The following SYCP2 variants were observed in gnomAD, a reference collection of about 807,000 sequenced individuals.
SYCP2 encodes the protein synaptonemal complex lateral element protein.
In SYCP2, 55 loss-of-function variants were observed where a neutral mutation model predicts 211.3. That is an observed-to-expected ratio of 0.26 (90% CI 0.21 to 0.33). The LOEUF is 0.33. SYCP2 is among the 10% of genes least tolerant of loss of function. SYCP2 has a pLI of 1.00. For synonymous variants in SYCP2, 570 were observed against 555.2 expected, an observed-to-expected ratio of 1.03 and a Z score of -0.37; for missense variants, 1,731 against 1,752.0, an observed-to-expected ratio of 0.99 and a Z score of 0.21.
rs773252946 is a variant in SYCP2, at chr20:59,914,113, T to A, written c.773A>T (p.Glu258Val). Residue 258 changes from glutamate to valine, a missense_variant, in exon 11 of 45, where the codon GAA (glutamate) becomes GTA (valine). Transcript: ENST00000357552. Reference sequence around the variant, plus strand: ...TGTTATTGTTATACAACTTACTGTTTCAAATTCAGAGTCCTTAATTCTTTT... The same window carrying A: ...TGTTATTGTTATACAACTTACTGTTACAAATTCAGAGTCCTTAATTCTTTT... ...AFKRIKDSEF[E>V]TDCRIFLNLV... 2 of 1,597,238 alleles carry A rather than the reference T, an allele frequency of 1.3e-6. No homozygotes were observed. The highest frequency in any genetic ancestry group is 1.7e-6 in the Non-Finnish European group (2 of 1,171,410).
At chr20:59,904,650 G>A (rs1279832160) in intron 15 of SYCP2, among the ~76,000 whole-genome samples, 5 of 152,096 alleles carry the variant, frequency 3.3e-5, no homozygotes, top group Non-Finnish European at 4.4e-5. Flanking sequence ...ATGACTGATC[G>A]AGAGAGGAAA....
At chr20:59,928,530 A>G (rs1260772376) in intron 2 of SYCP2, among the ~76,000 whole-genome samples, 2 of 152,192 alleles carry the variant, frequency 1.3e-5, no homozygotes, top group African/African-American at 4.8e-5. Context: ...ATAACTTTTA[A>G]AATATTAGAG....
At chr20:59,912,041 A>C in intron 13 of SYCP2, 196 bp from the exon 14 acceptor site, 1 of 423,390 alleles carries the variant, frequency 2.4e-6, no homozygotes, top group Non-Finnish European at 4.2e-6. Flanking sequence ...TAAAAAATCA[A>C]CTAGCTCCAA....
intron 15 of SYCP2, among the ~76,000 whole-genome samples, chr20:59,906,195 A>G (rs7267941): frequency 0.034 from 5,245 of 152,216 alleles, 255 homozygotes; most frequent in African/African-American, 0.11. Context: ...CAATTGATAA[A>G]CCAATTCTAA....
chr20:59,878,107 T>C (rs1180026267), intron 31 of SYCP2, 62 bp from the exon 32 acceptor site: 1 of 1,046,216 alleles, frequency 9.6e-7, no homozygotes, highest in Non-Finnish European at 1.4e-6. Flanking sequence ...TTAAATTTAT[T>C]AGAACATCAT....
intron 35 of SYCP2, among the ~76,000 whole-genome samples, chr20:59,870,812 G>A (rs1377770259): frequency 6.6e-6 from 1 of 151,646 alleles, no homozygotes; most frequent in Non-Finnish European, 1.5e-5. Flanking sequence ...GCCTAATCCA[G>A]GCCCATGTGA....
intron 7 of SYCP2, 45 bp from the exon 8 acceptor site, chr20:59,916,616 CTCT>C: frequency 7.9e-7 from 1 of 1,264,268 alleles, no homozygotes; most frequent in Non-Finnish European, 1.2e-6. Context: ...ATTTCAAATC[CTCT>C]TAACTGTCAG....
intron 15 of SYCP2, among the ~76,000 whole-genome samples, chr20:59,903,664 G>A (rs1167371300): frequency 6.6e-6 from 1 of 152,108 alleles, no homozygotes; most frequent in African/African-American, 2.4e-5. Flanking sequence ...GAGACGGAGG[G>A]TCAAAATGTG....
chr20:59,902,411 A>T (rs2060131695), intron 15 of SYCP2, among the ~76,000 whole-genome samples: 1 of 152,082 alleles, frequency 6.6e-6, no homozygotes, highest in African/African-American at 2.4e-5. Flanking sequence ...CCAAAAAATT[A>T]CCTGGCCCCT....
chr20:59,865,598 CTATCAG>C lies in SYCP2; in HGVS notation c.4427_4432del (p.Thr1476_Asp1477del). Reference sequence around the variant, plus strand: ...CTCGGATGTAAAAACAGTTTCTTCACTATCAGTATTACAGAAGACACTTTTAGCCAA... The same window carrying C: ...CTCGGATGTAAAAACAGTTTCTTCACTATTACAGAAGACACTTTTAGCCAA... On this transcript the variant is annotated inframe_deletion, in exon 43 of 45. Coordinates refer to ENST00000357552, the MANE Select transcript of SYCP2 (RefSeq NM_014258.4). The C allele has an allele frequency of 6.2e-7, 1 of 1,604,564 alleles. No homozygotes were observed. The highest frequency in any genetic ancestry group is 8.5e-7 in the Non-Finnish European group (1 of 1,176,356).
At position 59,921,310 on chromosome 20, in the gene SYCP2, C is replaced by A; in HGVS notation, c.168G>T (p.Arg56Ser). 2 of 1,584,280 alleles carry A rather than the reference C, an allele frequency of 1.3e-6. No individual in the cohort carries two copies. The highest frequency in any genetic ancestry group is 1.7e-6 in the Non-Finnish European group (2 of 1,164,956). ...FFHKVDNLIC[R>S]ELNKEDIHNV... ...TCATTCAGCAAAAATGAATATTTAC[C>A]CTGCATATAAGGTTGTCCACCTTGT... Residue 56 changes from arginine (R) to serine (S), a missense_variant and splice_region_variant, in exon 4 of 45, where the codon AGG (arginine) becomes AGT (serine). By Grantham distance (110) the Arg-to-Ser change is moderately radical (BLOSUM62 -1). Coordinates refer to ENST00000357552, the MANE Select transcript of SYCP2 (RefSeq NM_014258.4).
intron 15 of SYCP2, among the ~76,000 whole-genome samples, chr20:59,906,957 T>A (rs960232863): frequency 6.6e-6 from 1 of 152,196 alleles, no homozygotes; most frequent in Admixed American, 6.5e-5. Context: ...TATTATTACA[T>A]GTCTATTGAA....
rs1300632863 is a variant in SYCP2 at position 59,875,303 on chromosome 20, G to C, written c.3317C>G (p.Ser1106Cys). 1.2e-6 allele frequency: 2 copies of C among 1,610,054 alleles called. No homozygotes were observed. Among genetic ancestry groups the C allele is most frequent in the Non-Finnish European group, 1.7e-6 (2 of 1,177,858 alleles). ...TACTTCTATAGATGATGGACTGCCA[G>C]ATAAAGATCTGGGAGATAAGTCAAG... The part of the protein sequence containing the change: ...NCLDLSPRSL[S>C]GSPSSIEVTR... Residue 1106 changes from serine (S) to cysteine (C), a missense_variant, in exon 34 of 45, where the codon TCT becomes TGT. Coordinates refer to ENST00000357552, the MANE Select transcript of SYCP2 (RefSeq NM_014258.4).
At chr20:59,866,826 A>T (rs2066356649) in intron 39 of SYCP2, among the ~76,000 whole-genome samples, 1 of 151,226 alleles carries the variant, frequency 6.6e-6, no homozygotes, top group African/African-American at 2.4e-5. Flanking sequence ...TTGTTTTCAT[A>T]AGAACCCCAC....
chr20:59,892,740 T>A, intron 22 of SYCP2, 39 bp from the exon 23 acceptor site: 1 of 1,575,874 alleles, frequency 6.3e-7, no homozygotes, highest in Non-Finnish European at 8.6e-7. Context: ...TACAAAACAT[T>A]AGCCTGTGAC....
At chr20:59,915,858 G>GT (rs1568976052) in intron 8 of SYCP2, among the ~76,000 whole-genome samples, 1 of 152,118 alleles carries the variant, frequency 6.6e-6, no homozygotes. Context: ...GCTGGGCATG[G>GT]TAACACGTGC....
intron 12 of SYCP2, among the ~76,000 whole-genome samples, chr20:59,913,197 TATCTC>T (rs1182768374): frequency 1.3e-5 from 2 of 152,220 alleles, no homozygotes; most frequent in Non-Finnish European, 2.9e-5. Flanking sequence ...GTTAGCATAT[TATCTC>T]ATTTTAATCT....
intron 35 of SYCP2, 71 bp downstream of exon 35, chr20:59,873,782 TTAA>T (rs1337940757): frequency 1.5e-6 from 2 of 1,305,912 alleles, no homozygotes; most frequent in Non-Finnish European, 2.1e-6. Flanking sequence ...GTGTATCTGA[TTAA>T]GATGATAGGG....
chr20:59,870,406 A>T (rs1004267633), intron 35 of SYCP2, among the ~76,000 whole-genome samples: 1 of 151,898 alleles, frequency 6.6e-6, no homozygotes, highest in Non-Finnish European at 1.5e-5. Flanking sequence ...CTATATAAAA[A>T]TTTTAAAACT....
Sources: gnomAD v4.1 joint callset for allele counts (sites outside exome capture counted in the v4.1 genomes callset) on GRCh38, gnomAD v4.1.1 for gene constraint, MANE v1.5 for transcripts, NCBI Gene and HGNC (gene_info 2026-07-23, HGNC 2026-07-21) for gene names.